ACTN4: variants seen among roughly 807,000 people sequenced by gnomAD.
The protein encoded by ACTN4 is actinin alpha 4.
Under a neutral mutation model 114.2 loss-of-function variants are expected in ACTN4, and 18 were observed. The observed-to-expected ratio is 0.16, with a 90% confidence interval of 0.11 to 0.23. ACTN4 has a LOEUF of 0.23. ACTN4 is among the 10% of genes least tolerant of loss of function. The pLI is 1.00. For missense variants in ACTN4, 722 were observed against 1,262.9 expected, an observed-to-expected ratio of 0.57 and a Z score of 6.49; for synonymous variants, 515 against 506.3, an observed-to-expected ratio of 1.02 and a Z score of -0.23.
intron 9 of ACTN4, among the ~76,000 whole-genome samples, chr19:38,715,129 T>A (rs1968797201): frequency 6.6e-6 from 1 of 152,198 alleles, no homozygotes; most frequent in South Asian, 2.1e-4. Flanking sequence ...CCAAACCCAA[T>A]GCTTCAGTTG....
chr19:38,695,867 CT>C (rs1485389168), intron 1 of ACTN4, among the ~76,000 whole-genome samples: 1 of 152,150 alleles, frequency 6.6e-6, no homozygotes, highest in Admixed American at 6.5e-5. Flanking sequence ...GCTGACCGCA[CT>C]CTTCAGCTCC....
intron 11 of ACTN4, among the ~76,000 whole-genome samples, chr19:38,718,501 A>C (rs1455768830): frequency 6.6e-6 from 1 of 151,806 alleles, no homozygotes; most frequent in Non-Finnish European, 1.5e-5. Context: ...GTACCACTGC[A>C]CTCCAGCCTG....
rs1599871790 is a variant in ACTN4, at chr19:38,730,190, C to G, written c.*758C>G. 2 of 155,178 alleles carry G rather than the reference C, an allele frequency of 1.3e-5. No individual in the cohort carries two copies. Among genetic ancestry groups the G allele is most frequent in the Non-Finnish European group, 2.8e-5 (2 of 70,468 alleles). 9.6% of individuals were successfully genotyped at this position (155,178 alleles called of 1,614,324 possible). ...TAAAAAAGAAAGAATTAAAAACTTT[C>G]AGAGAATTACTATTTACTTTATTAA... On this transcript the variant is annotated 3_prime_UTR_variant, in exon 21 of 21. Transcript: ENST00000252699.
At chr19:38,665,943 G>C (rs995086922) in intron 1 of ACTN4, among the ~76,000 whole-genome samples, 1 of 152,092 alleles carries the variant, frequency 6.6e-6, no homozygotes, top group Non-Finnish European at 1.5e-5. Context: ...TCTTCAGTTG[G>C]TGTGTGATGT....
At position 38,727,516 on chromosome 19, in the gene ACTN4, C is replaced by T. The variant is rs947482002; in HGVS notation, c.2337+413C>T. On this transcript the variant is annotated intron_variant, in intron 18 of 20. Transcript: ENST00000252699. The surrounding 1 kb of genome is among the most constrained non-coding windows in gnomAD (Gnocchi z 5.4). ...AGAGTTTGCTGCCATCCCCAGCCCACCCCTGCCGGGCTGACGGACTGAGAA... is the reference window on the plus strand; with the variant it reads ...AGAGTTTGCTGCCATCCCCAGCCCATCCCTGCCGGGCTGACGGACTGAGAA... 6.6e-6 allele frequency among the ~76,000 whole-genome samples: 1 copy of T among 152,176 alleles called. No individual in the cohort carries two copies. Among genetic ancestry groups the T allele is most frequent in the African/African-American group, 2.4e-5 (1 of 41,430 alleles).
At chr19:38,723,156 G>C (rs1025865321) in intron 12 of ACTN4, among the ~76,000 whole-genome samples, 1 of 152,206 alleles carries the variant, frequency 6.6e-6, no homozygotes, top group Non-Finnish European at 1.5e-5. Flanking sequence ...GTTGAGATGG[G>C]AATGGAGCCC....
intron 1 of ACTN4, among the ~76,000 whole-genome samples, chr19:38,654,780 A>G (rs1976667750): frequency 6.6e-6 from 1 of 152,074 alleles, no homozygotes; most frequent in South Asian, 2.1e-4. Context: ...GAGAGGCATT[A>G]ACTTGGAATG....
In ACTN4 at chr19:38,731,532, C is replaced by T; in HGVS notation, c.*2100C>T. On this transcript the variant is annotated 3_prime_UTR_variant, in exon 21 of 21. Coordinates refer to ENST00000252699, the MANE Select transcript of ACTN4 (RefSeq NM_004924.6). ...TAAATCCTGTGGGGCTTTCTCCTTGCCAGTGGGCACTGGAGGATATTTCTG... is the reference window on the plus strand; with the variant it reads ...TAAATCCTGTGGGGCTTTCTCCTTGTCAGTGGGCACTGGAGGATATTTCTG... 4.6e-6 allele frequency: 2 copies of T among 435,784 alleles called. No individual in the cohort carries two copies. Among genetic ancestry groups the T allele is most frequent in the Non-Finnish European group, 4.3e-6 (1 of 234,518 alleles). The allele number at this position is 435,784 out of a possible 1,614,324, so 27.0% of individuals were successfully genotyped here.
At chr19:38,713,524 T>A (rs992736118) in intron 8 of ACTN4, among the ~76,000 whole-genome samples, 2 of 152,142 alleles carry the variant, frequency 1.3e-5, no homozygotes, top group African/African-American at 4.8e-5. Context: ...GCCCTGGGTG[T>A]GTGTCCCGCA....
intron 11 of ACTN4, among the ~76,000 whole-genome samples, chr19:38,720,489 G>A (rs1025396549): frequency 5.3e-5 from 8 of 152,260 alleles, no homozygotes; most frequent in African/African-American, 1.9e-4. Flanking sequence ...CTGCGCAGCA[G>A]GGCCGGTGGA....
At chr19:38,691,414 A>AG (rs764531461) in intron 1 of ACTN4, among the ~76,000 whole-genome samples, 1 of 124,100 alleles carries the variant, frequency 8.1e-6, no homozygotes, top group Admixed American at 8.2e-5. Flanking sequence ...AAAAAAAAAA[A>AG]CAAAAAAAAC....
intron 9 of ACTN4, among the ~76,000 whole-genome samples, chr19:38,716,349 C>T (rs1304450695): frequency 6.6e-6 from 1 of 152,256 alleles, no homozygotes; most frequent in African/African-American, 2.4e-5. Context: ...ACTGGCCTAG[C>T]CAGACTGAGC....
intron 1 of ACTN4, among the ~76,000 whole-genome samples, chr19:38,661,778 G>A (rs1477855684): frequency 2.6e-5 from 4 of 152,040 alleles, no homozygotes; most frequent in Non-Finnish European, 5.9e-5. Flanking sequence ...TCAGCCTCCC[G>A]AGTAGCTGGG....
chr19:38,684,879 G>A (rs1247892619), intron 1 of ACTN4, among the ~76,000 whole-genome samples: 1 of 151,408 alleles, frequency 6.6e-6, no homozygotes, highest in African/African-American at 2.4e-5. Context: ...ACTGAATATT[G>A]TCAAGGGAAA....
At position 38,729,384 on chromosome 19, in the gene ACTN4, C is replaced by T. The variant is rs572002237; in HGVS notation, c.2688C>T (p.Leu896=). ...YQGPDAVPGA[L]DYKSFSTALY... ...GCCCTGACGCCGTGCCCGGTGCCCT[C>T]GACTACAAGTCCTTCTCCACGGCCT... The change falls in exon 21 of 21, where the codon CTC becomes CTT. Residue 896 remains leucine (L), a synonymous_variant. Transcript: ENST00000252699. 8.7e-5 allele frequency: 141 copies of T among 1,612,826 alleles called. No individual in the cohort carries two copies. The highest frequency in any genetic ancestry group is 7.2e-4 in the South Asian group (66 of 91,070).
chr19:38,683,151 G>A (rs2144929283), intron 1 of ACTN4, among the ~76,000 whole-genome samples: 1 of 152,310 alleles, frequency 6.6e-6, no homozygotes, highest in South Asian at 2.1e-4. Context: ...GGGGGACTGG[G>A]GAGTGCCTGG....
chr19:38,689,430 G>A (rs1270843085), intron 1 of ACTN4, among the ~76,000 whole-genome samples: 1 of 152,152 alleles, frequency 6.6e-6, no homozygotes, highest in Non-Finnish European at 1.5e-5. Context: ...GGGTAGGAGG[G>A]AAGTGGGGTT....
chr19:38,684,104 C>G (rs1967663975), intron 1 of ACTN4: 1 of 152,610 alleles, frequency 6.6e-6, no homozygotes, highest in South Asian at 2.1e-4. Flanking sequence ...CTTAACAGCC[C>G]TGTGGCCATG....
intron 1 of ACTN4, among the ~76,000 whole-genome samples, chr19:38,649,274 G>C (rs1192890637): frequency 1.8e-5 from 2 of 113,290 alleles, no homozygotes; most frequent in Non-Finnish European, 3.8e-5. Flanking sequence ...AGTGTCTGTG[G>C]GGGGGGGATA....
Sources: gnomAD v4.1 joint callset for allele counts (sites outside exome capture counted in the v4.1 genomes callset) on GRCh38, gnomAD v4.1.1 for gene constraint, Gnocchi (gnomAD v3.1) non-coding constraint, MANE v1.5 for transcripts, NCBI Gene and HGNC (gene_info 2026-07-23, HGNC 2026-07-21) for gene names.